Variants in WWOX observed in about 807,000 individuals in gnomAD.
WWOX encodes the protein WW domain-containing oxidoreductase.
A neutral mutation model predicts 46.2 loss-of-function variants in WWOX; 69 were observed. That is an observed-to-expected ratio of 1.49 (90% CI 1.23 to 1.82). WWOX has a LOEUF of 1.82. Among genes scored for constraint, WWOX ranks in the 40% most tolerant of loss-of-function variants. The pLI is 0.00. For missense variants in WWOX, 919 were observed against 542.6 expected (o/e 1.69, Z -6.89); for synonymous variants, 359 against 202.6 (o/e 1.77, Z -6.56).
intron 8 of WWOX, among the ~76,000 whole-genome samples, chr16:78,574,308 A>T (rs533108327): frequency 1.3e-5 from 2 of 152,208 alleles, no homozygotes; most frequent in East Asian, 1.9e-4. Context: ...ATACCAAGTC[A>T]GAAGTCCTGC....
intron 8 of WWOX, among the ~76,000 whole-genome samples, chr16:78,494,527 A>T (rs1260447366): frequency 6.6e-6 from 1 of 152,182 alleles, no homozygotes; most frequent in Admixed American, 6.5e-5. Context: ...CAACAAATAA[A>T]ACTTCTGTGC....
chr16:78,607,683 T>C (rs1277669829), intron 8 of WWOX, among the ~76,000 whole-genome samples: 2 of 149,126 alleles, frequency 1.3e-5, no homozygotes, highest in Admixed American at 6.9e-5. Context: ...AAGGAGGATA[T>C]AGGGGCCCTT....
intron 5 of WWOX, among the ~76,000 whole-genome samples, chr16:78,312,335 CACT>C (rs2080261732): frequency 1.3e-5 from 2 of 149,622 alleles, no homozygotes; most frequent in South Asian, 4.2e-4. Context: ...AGTAAGGAAA[CACT>C]TATATTGCTA....
At chr16:78,692,814 A>G (rs1225196485) in intron 8 of WWOX, among the ~76,000 whole-genome samples, 1 of 152,224 alleles carries the variant, frequency 6.6e-6, no homozygotes, top group Non-Finnish European at 1.5e-5. Context: ...AAGTCATTGG[A>G]AACCAAGGCA....
intron 3 of WWOX, among the ~76,000 whole-genome samples, chr16:78,110,813 G>A (rs1170173443): frequency 2.6e-5 from 4 of 152,156 alleles, no homozygotes; most frequent in African/African-American, 7.2e-5. Flanking sequence ...TAAGTGACTT[G>A]TTAAGGATCC....
intron 8 of WWOX, among the ~76,000 whole-genome samples, chr16:78,519,556 G>T (rs1264961262): frequency 3.3e-5 from 5 of 151,840 alleles, no homozygotes; most frequent in African/African-American, 1.2e-4. Flanking sequence ...GGTGTGCTAT[G>T]GTTAGAAAGT....
chr16:79,197,479 G>A (rs1349336976), intron 8 of WWOX, among the ~76,000 whole-genome samples: 1 of 151,788 alleles, frequency 6.6e-6, no homozygotes, highest in Non-Finnish European at 1.5e-5. Flanking sequence ...CCCCCCTCCA[G>A]TGAGCGAGTT....
intron 8 of WWOX, chr16:78,892,314 C>G (rs1246098650): frequency 6.6e-6 from 1 of 152,198 alleles, no homozygotes; most frequent in East Asian, 1.9e-4. Context: ...GAACCACATG[C>G]TAAAATCAAA....
intron 8 of WWOX, among the ~76,000 whole-genome samples, chr16:79,048,285 C>G (rs74871725): frequency 6.6e-6 from 1 of 152,092 alleles, no homozygotes; most frequent in Non-Finnish European, 1.5e-5. Context: ...CCTCTCCATC[C>G]TTGCAAAGCT....
At chr16:78,386,361 A>G (rs1053923459) in intron 5 of WWOX, among the ~76,000 whole-genome samples, 1 of 152,158 alleles carries the variant, frequency 6.6e-6, no homozygotes, top group African/African-American at 2.4e-5. Context: ...GTCAGAATCC[A>G]TTGGTATAAA....
intron 7 of WWOX, among the ~76,000 whole-genome samples, chr16:78,428,535 A>G (rs1001903470): frequency 6.6e-6 from 1 of 152,094 alleles, no homozygotes; most frequent in African/African-American, 2.4e-5. Flanking sequence ...CCATCTTGAA[A>G]CTGTCCTTCC....
At chr16:78,688,748 C>T (rs28464559) in intron 8 of WWOX, among the ~76,000 whole-genome samples, 52,758 of 151,938 alleles carry the variant, frequency 0.35, 9,912 homozygotes, top group African/African-American at 0.42. Flanking sequence ...TGATAGGGTT[C>T]GGCTGTGTCC....
chr16:78,479,588 C>T (rs1162485176), intron 8 of WWOX, among the ~76,000 whole-genome samples: 1 of 152,026 alleles, frequency 6.6e-6, no homozygotes, highest in East Asian at 1.9e-4. Flanking sequence ...AAGACATGTC[C>T]CATTCCCTAG....
chr16:78,473,346 T>A (rs7498931), intron 8 of WWOX, among the ~76,000 whole-genome samples: 19,011 of 152,156 alleles, frequency 0.12, 1,299 homozygotes, highest in Non-Finnish European at 0.16. Context: ...GCCAGGCTAG[T>A]CTTGAACTCC....
At chr16:78,628,482 G>C (rs1470862108) in intron 8 of WWOX, among the ~76,000 whole-genome samples, 1 of 152,146 alleles carries the variant, frequency 6.6e-6, no homozygotes, top group African/African-American at 2.4e-5. Flanking sequence ...ACATGGAGCT[G>C]AAAAGTACCC....
rs1189664062 is a variant in WWOX at position 78,616,425 on chromosome 16, A to G, written c.1056+183673A>G. On this transcript the variant is annotated intron_variant, in intron 8 of 8. Coordinates refer to ENST00000566780, the MANE Select transcript of WWOX (RefSeq NM_016373.4). ...TGATCTCATAGGTGTCCATCTTGCTATTTTCTCAACTAGCAGAGGCAACTC... is the reference window on the plus strand; with the variant it reads ...TGATCTCATAGGTGTCCATCTTGCTGTTTTCTCAACTAGCAGAGGCAACTC... Among the ~76,000 whole-genome samples the G allele has an allele frequency of 2.0e-5, 3 of 151,650 alleles. No homozygotes were observed. The East Asian group carries it at 5.9e-4, about 30-fold the overall frequency.
chr16:78,295,979 T>G (rs770399662), intron 5 of WWOX, among the ~76,000 whole-genome samples: 16 of 152,252 alleles, frequency 1.1e-4, no homozygotes, highest in Non-Finnish European at 2.2e-4. Flanking sequence ...TGGGGTAGGA[T>G]TCCTGCCATC....
At chr16:78,727,548 G>T (rs758715879) in intron 8 of WWOX, among the ~76,000 whole-genome samples, 31 of 152,188 alleles carry the variant, frequency 2.0e-4, no homozygotes, top group South Asian at 4.1e-4. Context: ...AGGGACACAA[G>T]GTCTGGGTCC....
chr16:78,764,452 G>T (rs1003347005), intron 8 of WWOX, among the ~76,000 whole-genome samples: 1 of 150,498 alleles, frequency 6.6e-6, no homozygotes, highest in Non-Finnish European at 1.5e-5. Flanking sequence ...GCTTCTTCTG[G>T]GAGTGGGTTT....
Sources: gnomAD v4.1 joint callset for allele counts (sites outside exome capture counted in the v4.1 genomes callset) on GRCh38, gnomAD v4.1.1 for gene constraint, MANE v1.5 for transcripts, NCBI Gene and HGNC (gene_info 2026-07-23, HGNC 2026-07-21) for gene names.